The following ACOXL variants were observed in gnomAD, a reference collection of about 807,000 sequenced individuals.
ACOXL encodes the protein acyl-CoA oxidase like.
Under a neutral mutation model 71.9 loss-of-function variants are expected in ACOXL, and 70 were observed. The ratio of observed to expected loss-of-function variants is 0.97; its 90% CI spans 0.80 to 1.19. The LOEUF is 1.19. ACOXL is among the 50% of genes most tolerant of loss of function. The probability of loss-of-function intolerance (pLI) is 0.00; values close to 1 mark genes in which losing one functional copy is unlikely to be tolerated. For missense variants in ACOXL, 703 were observed against 736.3 expected (o/e 0.95, Z 0.52); for synonymous variants, 253 against 281.6 (o/e 0.90, Z 1.02).
chr2:110,923,713 C>A (rs1386251433), intron 11 of ACOXL, among the ~76,000 whole-genome samples: 1 of 152,048 alleles, frequency 6.6e-6, no homozygotes, highest in African/African-American at 2.4e-5. Context: ...ATGAGCAGAT[C>A]ACTTGAGGCC....
At chr2:111,063,545 T>A (rs1324272744) in intron 16 of ACOXL, among the ~76,000 whole-genome samples, 1 of 152,192 alleles carries the variant, frequency 6.6e-6, no homozygotes, top group Non-Finnish European at 1.5e-5. Flanking sequence ...TTCCAATTGA[T>A]GCAGAAAAAA....
chr2:111,008,801 A>G (rs1022378177), intron 14 of ACOXL, among the ~76,000 whole-genome samples: 1 of 152,162 alleles, frequency 6.6e-6, no homozygotes, highest in African/African-American at 2.4e-5. Context: ...AATTTTTGCC[A>G]GTTTGATAGG....
Position 111,118,021 on chromosome 2 carries a change from G to A in ACOXL, c.*205G>A. Reference sequence around the variant, plus strand: ...AGAGATCCAGACGGTCGCCTGGTGCGCTGGATCCCTGTGCCCTTTCCCTGA... The same window carrying A: ...AGAGATCCAGACGGTCGCCTGGTGCACTGGATCCCTGTGCCCTTTCCCTGA... On this transcript the variant is annotated 3_prime_UTR_variant, in exon 18 of 18. Coordinates refer to ENST00000439055, the MANE Select transcript of ACOXL (RefSeq NM_001142807.4). 1.6e-6 allele frequency: 1 copy of A among 636,926 alleles called. No individual in the cohort carries two copies. Among genetic ancestry groups the A allele is most frequent in the Non-Finnish European group, 2.7e-6 (1 of 372,228 alleles). The allele number at this position is 636,926 out of a possible 1,614,324, so 39.5% of individuals were successfully genotyped here.
chr2:110,940,602 CG>C (rs2060832621), intron 12 of ACOXL, among the ~76,000 whole-genome samples: 1 of 152,204 alleles, frequency 6.6e-6, no homozygotes, highest in African/African-American at 2.4e-5. Context: ...CAGCCCCTCA[CG>C]TTTGGCCTCA....
rs2070482633 is a variant in ACOXL, at chr2:111,118,207, T to G, written c.*391T>G. 2 of 259,264 alleles carry G rather than the reference T, an allele frequency of 7.7e-6. No homozygotes were observed. Among genetic ancestry groups the G allele is most frequent in the Middle Eastern group, 1.2e-3 (1 of 844 alleles). 16.1% of individuals were successfully genotyped at this position (259,264 alleles called of 1,614,324 possible). ...CATTCCCAGTGATTTAGAAAAACTG[T>G]GGTGCCGAGTGAAAGAAAAAAAAAA... On this transcript the variant is annotated 3_prime_UTR_variant, in exon 18 of 18. Transcript: ENST00000439055.
chr2:111,099,182 T>C (rs1424565347), intron 17 of ACOXL: 1 of 152,228 alleles, frequency 6.6e-6, no homozygotes, highest in Non-Finnish European at 1.5e-5. Flanking sequence ...TCCATCCACA[T>C]ATTCAGAAGG....
intron 12 of ACOXL, among the ~76,000 whole-genome samples, chr2:110,950,198 A>G (rs972873384): frequency 1.3e-5 from 2 of 152,108 alleles, no homozygotes; most frequent in African/African-American, 2.4e-5. Context: ...GCACACCAGC[A>G]TGTCTTTTGA....
intron 11 of ACOXL, among the ~76,000 whole-genome samples, chr2:110,922,338 T>C (rs1341754028): frequency 6.6e-6 from 1 of 152,214 alleles, no homozygotes; most frequent in African/African-American, 2.4e-5. Flanking sequence ...TCAAAATAAC[T>C]TGATGATGAA....
At chr2:111,024,822 C>T (rs576823185) in intron 14 of ACOXL, among the ~76,000 whole-genome samples, 19 of 151,046 alleles carry the variant, frequency 1.3e-4, no homozygotes, top group Non-Finnish European at 2.4e-4. Flanking sequence ...CTAACCCTAG[C>T]GGCTAGGGAG....
chr2:110,979,566 T>G (rs1574365716), intron 12 of ACOXL, among the ~76,000 whole-genome samples: 1 of 151,806 alleles, frequency 6.6e-6, no homozygotes, highest in South Asian at 2.1e-4. Flanking sequence ...CCTGCAGGAG[T>G]GGTGTGCTCC....
At chr2:111,061,790 T>A (rs1295101689) in intron 16 of ACOXL, among the ~76,000 whole-genome samples, 1 of 152,116 alleles carries the variant, frequency 6.6e-6, no homozygotes, top group African/African-American at 2.4e-5. Flanking sequence ...TGAAAAGTTA[T>A]ATATACAAAA....
chr2:110,872,608 C>A (rs941480504), intron 10 of ACOXL, among the ~76,000 whole-genome samples: 1 of 152,256 alleles, frequency 6.6e-6, no homozygotes, highest in South Asian at 2.1e-4. Context: ...TCCAGCAAGG[C>A]CATGCCAGGC....
chr2:110,864,972 C>T (rs1006666549), intron 10 of ACOXL, among the ~76,000 whole-genome samples: 5 of 152,090 alleles, frequency 3.3e-5, no homozygotes, highest in South Asian at 2.1e-4. Flanking sequence ...GGTGGGGACC[C>T]GGGACAGTTG....
intron 12 of ACOXL, among the ~76,000 whole-genome samples, chr2:110,962,265 G>A (rs780157751): frequency 1.3e-5 from 2 of 152,228 alleles, no homozygotes; most frequent in Non-Finnish European, 2.9e-5. Flanking sequence ...AGCCTTATGC[G>A]GAAATCACTC....
At chr2:111,074,263 G>A (rs1574677626) in intron 16 of ACOXL, among the ~76,000 whole-genome samples, 2 of 140,502 alleles carry the variant, frequency 1.4e-5, no homozygotes, top group Admixed American at 1.5e-4. Context: ...TCTTTTTCTT[G>A]CCTTGTTGCA....
intron 14 of ACOXL, among the ~76,000 whole-genome samples, chr2:111,001,078 G>A (rs998538456): frequency 1.3e-5 from 2 of 152,212 alleles, no homozygotes; most frequent in Admixed American, 6.5e-5. Flanking sequence ...TAAGTCTTAA[G>A]TCATGCAAAA....
chr2:110,955,974 T>C (rs1352883195), intron 12 of ACOXL, among the ~76,000 whole-genome samples: 1 of 146,188 alleles, frequency 6.8e-6, no homozygotes, highest in Non-Finnish European at 1.5e-5. Flanking sequence ...AGTCTCGCTC[T>C]GTTGCCCAGG....
At chr2:110,914,972 C>G (rs2059784396) in intron 11 of ACOXL, among the ~76,000 whole-genome samples, 1 of 152,172 alleles carries the variant, frequency 6.6e-6, no homozygotes, top group Non-Finnish European at 1.5e-5. Context: ...TATCCATCCC[C>G]TCAAGCATTT....
At chr2:111,062,101 A>C (rs2066846061) in intron 16 of ACOXL, among the ~76,000 whole-genome samples, 1 of 152,112 alleles carries the variant, frequency 6.6e-6, no homozygotes, top group African/African-American at 2.4e-5. Flanking sequence ...AGGGTGATAT[A>C]GATAGGTTGA....
Sources: gnomAD v4.1 joint callset for allele counts (sites outside exome capture counted in the v4.1 genomes callset) on GRCh38, gnomAD v4.1.1 for gene constraint, MANE v1.5 for transcripts, NCBI Gene and HGNC (gene_info 2026-07-23, HGNC 2026-07-21) for gene names.